The following ABCA13 variants were observed in gnomAD, a reference collection of about 807,000 sequenced individuals.
ABCA13 encodes the protein ATP-binding cassette sub-family A member 13.
In ABCA13, 476 loss-of-function variants were observed where a neutral mutation model predicts 478.7. The observed-to-expected ratio is 0.99, with a 90% CI of 0.92 to 1.07. The LOEUF (loss-of-function observed/expected upper bound fraction) is 1.07, where lower values mean the gene tolerates loss of function less well. Among genes scored for constraint, ABCA13 ranks in the 50% least tolerant of loss-of-function variants. The probability of loss-of-function intolerance (pLI) is 0.00; values close to 1 mark genes in which losing one functional copy is unlikely to be tolerated. For synonymous variants in ABCA13, 2,252 were observed against 2,158.9 expected, an observed-to-expected ratio of 1.04 and a Z score of -1.20; for missense variants, 6,060 against 5,910.6, an observed-to-expected ratio of 1.03 and a Z score of -0.83.
rs1832464375 is a variant in ABCA13 at position 48,520,438 on chromosome 7, T to C, written c.14051+144T>C. ...TCTAATGCGTTAAGATTTTATTATT[T>C]TTTAAACATTGATTGGTGTCAGTCA... On this transcript the variant is annotated intron_variant, in intron 53 of 61. Coordinates refer to ENST00000435803, the MANE Select transcript of ABCA13 (RefSeq NM_152701.5). The C allele has an allele frequency of 2.9e-6, 3 of 1,037,386 alleles. No individual in the cohort carries two copies. The South Asian group carries it at 1.2e-4, about 42-fold the overall frequency. 64.3% of individuals were successfully genotyped at this position (1,037,386 alleles called of 1,614,324 possible).
At chr7:48,353,727 A>G (rs1448426362) in intron 31 of ABCA13, among the ~76,000 whole-genome samples, 1 of 151,926 alleles carries the variant, frequency 6.6e-6, no homozygotes, top group African/African-American at 2.4e-5. Context: ...TTGTACAGGA[A>G]GGACTTTCCC....
At chr7:48,483,901 A>G (rs574081758) in intron 47 of ABCA13, among the ~76,000 whole-genome samples, 3 of 152,176 alleles carry the variant, frequency 2.0e-5, no homozygotes, top group Non-Finnish European at 4.4e-5. Context: ...TTGTGGGAGG[A>G]AGTTAAGTCC....
chr7:48,463,108 C>CT (rs1411305364), intron 43 of ABCA13, among the ~76,000 whole-genome samples: 23 of 152,088 alleles, frequency 1.5e-4, no homozygotes, highest in Middle Eastern at 3.4e-3. Context: ...ATGTGCTTCT[C>CT]TGTTTTTTTG....
At chr7:48,545,751 T>TG in intron 55 of ABCA13, among the ~76,000 whole-genome samples, 1 of 143,248 alleles carries the variant, frequency 7.0e-6, no homozygotes, top group South Asian at 2.1e-4. Flanking sequence ...AGAATAGATT[T>TG]GAAAAAAAAA....
chr7:48,477,682 T>C (rs1054993892), intron 45 of ABCA13, among the ~76,000 whole-genome samples: 2 of 137,082 alleles, frequency 1.5e-5, no homozygotes, highest in African/African-American at 5.5e-5. Context: ...TAGGTGGGAA[T>C]TGAACAATGA....
chr7:48,288,842 T>C (rs1798120112), intron 20 of ABCA13, among the ~76,000 whole-genome samples: 2 of 152,080 alleles, frequency 1.3e-5, no homozygotes, highest in South Asian at 4.1e-4. Flanking sequence ...ATGTGTCTCT[T>C]ATTTGGGCCC....
At chr7:48,639,253 C>T (rs17132522) in intron 59 of ABCA13, among the ~76,000 whole-genome samples, 2,846 of 152,252 alleles carry the variant, frequency 0.019, 82 homozygotes, top group African/African-American at 0.064. Flanking sequence ...GTTTGCATCC[C>T]GCTGTTTGCT....
chr7:48,570,685 A>T (rs1049682819), intron 55 of ABCA13, among the ~76,000 whole-genome samples: 1 of 152,132 alleles, frequency 6.6e-6, no homozygotes, highest in Non-Finnish European at 1.5e-5. Flanking sequence ...TATAGACAGC[A>T]TACAGTTGGA....
At chr7:48,517,603 C>A (rs948034127) in intron 52 of ABCA13, among the ~76,000 whole-genome samples, 9 of 152,170 alleles carry the variant, frequency 5.9e-5, no homozygotes, top group Non-Finnish European at 1.3e-4. Flanking sequence ...CTTAGTGAGG[C>A]CTGCCTGGGT....
intron 55 of ABCA13, among the ~76,000 whole-genome samples, chr7:48,543,297 T>G (rs954474704): frequency 2.0e-5 from 3 of 151,838 alleles, no homozygotes; most frequent in African/African-American, 7.2e-5. Context: ...TGTAAATTAC[T>G]GTATAGTGAT....
intron 3 of ABCA13, among the ~76,000 whole-genome samples, chr7:48,211,093 T>A (rs544799311): frequency 6.6e-6 from 1 of 152,298 alleles, no homozygotes; most frequent in South Asian, 2.1e-4. Flanking sequence ...CATATCTCTG[T>A]CACTGCAGGA....
At chr7:48,558,504 C>T (rs1306962879) in intron 55 of ABCA13, among the ~76,000 whole-genome samples, 1 of 151,992 alleles carries the variant, frequency 6.6e-6, no homozygotes, top group African/African-American at 2.4e-5. Flanking sequence ...CACCATGTTG[C>T]CCAGGCTGGT....
At chr7:48,465,325 T>C (rs544381480) in intron 43 of ABCA13, among the ~76,000 whole-genome samples, 4 of 152,298 alleles carry the variant, frequency 2.6e-5, no homozygotes, top group African/African-American at 9.6e-5. Context: ...AGAAGTTTCT[T>C]CTCATTCTGA....
At position 48,541,829 on chromosome 7, in the gene ABCA13, A is replaced by G. The variant is rs545766309; in HGVS notation, c.14354+13484A>G. Among the ~76,000 whole-genome samples, 57 of 150,774 alleles carry G rather than the reference A, an allele frequency of 3.8e-4. 1 individual carries two copies. The Middle Eastern group carries it at 0.011, about 28-fold the overall frequency. On this transcript the variant is annotated intron_variant, in intron 55 of 61. Transcript: ENST00000435803. ...AGTTGACAGATAACAGAGCAGGCAC[A>G]TATTTTTATAATAAATATTATTGGG... is the stretch of plus-strand genomic sequence containing the variant.
chr7:48,352,495 G>A lies in ABCA13; in HGVS notation c.10688+8G>A. On this transcript the variant is annotated splice_region_variant and intron_variant, in intron 31 of 61. Coordinates refer to ENST00000435803, the MANE Select transcript of ABCA13 (RefSeq NM_152701.5). ...CTGCCATACCAGCGACCTGTGAGTA[G>A]CCTGGGGCAGGAGCCACCGACAGTG... is the stretch of plus-strand genomic sequence containing the variant. 1.3e-6 allele frequency: 2 copies of A among 1,586,378 alleles called. No homozygotes were observed. The highest frequency in any genetic ancestry group is 1.7e-6 in the Non-Finnish European group (2 of 1,164,026).
chr7:48,242,152 A>T (rs1584396106), intron 10 of ABCA13, among the ~76,000 whole-genome samples: 1 of 152,166 alleles, frequency 6.6e-6, no homozygotes, highest in East Asian at 1.9e-4. Context: ...GAAACACCAC[A>T]TTAAGTCACC....
intron 19 of ABCA13, among the ~76,000 whole-genome samples, chr7:48,286,886 A>G (rs115157848): frequency 1.3e-5 from 2 of 152,186 alleles, no homozygotes; most frequent in Non-Finnish European, 2.9e-5. Context: ...TTCTAATTAA[A>G]AAAAGATTTT....
intron 35 of ABCA13, among the ~76,000 whole-genome samples, chr7:48,379,333 A>G (rs754405086): frequency 3.3e-5 from 5 of 152,236 alleles, no homozygotes; most frequent in Middle Eastern, 3.2e-3. Context: ...AAAGAGGGTT[A>G]TAATTTCTAG....
At chr7:48,435,279 G>T (rs1184584524) in intron 42 of ABCA13, among the ~76,000 whole-genome samples, 1 of 151,720 alleles carries the variant, frequency 6.6e-6, no homozygotes, top group Non-Finnish European at 1.5e-5. Flanking sequence ...TAAATGAAAT[G>T]ATTTTCTTAA....
Sources: gnomAD v4.1 joint callset for allele counts (sites outside exome capture counted in the v4.1 genomes callset) on GRCh38, gnomAD v4.1.1 for gene constraint, MANE v1.5 for transcripts, NCBI Gene and HGNC (gene_info 2026-07-23, HGNC 2026-07-21) for gene names.